The following NEGR1 variants were observed in gnomAD, a reference collection of about 807,000 sequenced individuals.
The protein encoded by NEGR1 is IgLON family member 4.
NEGR1 carries 10 observed loss-of-function variants against 40.9 expected under a neutral mutation model. The observed-to-expected ratio is 0.24, with a 90% CI of 0.15 to 0.42. The LOEUF (loss-of-function observed/expected upper bound fraction) is 0.42, where lower values mean the gene tolerates loss of function less well. Among genes scored for constraint, NEGR1 ranks in the 10% least tolerant of loss-of-function variants. The probability of loss-of-function intolerance (pLI) is 1.00; values close to 1 mark genes in which losing one functional copy is unlikely to be tolerated. For synonymous variants in NEGR1, 185 were observed against 166.8 expected (o/e 1.11, Z -0.84); for missense variants, 352 against 438.9 (o/e 0.80, Z 1.77).
chr1:71,948,337 T>G (rs1332875357), intron 1 of NEGR1, among the ~76,000 whole-genome samples: 1 of 152,022 alleles, frequency 6.6e-6, no homozygotes. Flanking sequence ...GATATCCATA[T>G]ATTATAAATA....
At chr1:72,066,148 C>A (rs530756020) in intron 1 of NEGR1, among the ~76,000 whole-genome samples, 43 of 152,162 alleles carry the variant, frequency 2.8e-4, no homozygotes, top group Non-Finnish European at 1.5e-5. Context: ...TCATGAATTG[C>A]ATTTAAAGAT....
chr1:71,535,589 G>A (rs1647487659), intron 6 of NEGR1, among the ~76,000 whole-genome samples: 1 of 151,674 alleles, frequency 6.6e-6, no homozygotes, highest in Non-Finnish European at 1.5e-5. Context: ...TTCCTGGCGA[G>A]GTAATTTTAT....
chr1:71,769,110 T>C (rs1656228830), intron 3 of NEGR1, among the ~76,000 whole-genome samples: 1 of 152,106 alleles, frequency 6.6e-6, no homozygotes, highest in Admixed American at 6.5e-5. Context: ...TCTGGTATTT[T>C]ATAGCAATGG....
chr1:72,177,875 A>G (rs1442724230), intron 1 of NEGR1, among the ~76,000 whole-genome samples: 2 of 151,980 alleles, frequency 1.3e-5, no homozygotes, highest in African/African-American at 4.8e-5. Context: ...AGCACAAGGA[A>G]GGGCCAATAA....
chr1:71,727,310 CAAAT>C (rs1654706336), intron 3 of NEGR1, among the ~76,000 whole-genome samples: 1 of 151,946 alleles, frequency 6.6e-6, no homozygotes, highest in South Asian at 2.1e-4. Context: ...CATATAAAAA[CAAAT>C]AAGTAATAAC....
At chr1:72,190,319 C>T (rs1652774912) in intron 1 of NEGR1, among the ~76,000 whole-genome samples, 1 of 151,524 alleles carries the variant, frequency 6.6e-6, no homozygotes, top group Non-Finnish European at 1.5e-5. Context: ...TATATGTTTA[C>T]TTCTATAGAA....
chr1:71,613,918 A>G (rs748104052), intron 4 of NEGR1, among the ~76,000 whole-genome samples: 1 of 152,144 alleles, frequency 6.6e-6, no homozygotes, highest in Non-Finnish European at 1.5e-5. Flanking sequence ...TGGTTTATCA[A>G]TATTCAGTGA....
intron 2 of NEGR1, among the ~76,000 whole-genome samples, chr1:71,788,185 CA>C (rs2101731935): frequency 6.6e-6 from 1 of 151,888 alleles, no homozygotes; most frequent in South Asian, 2.1e-4. Context: ...ATATTACAAA[CA>C]AAGGTTATCA....
intron 1 of NEGR1, among the ~76,000 whole-genome samples, chr1:72,104,301 C>A (rs1403553553): frequency 6.6e-6 from 1 of 151,986 alleles, no homozygotes; most frequent in Non-Finnish European, 1.5e-5. Flanking sequence ...TGGTTGGGCC[C>A]AATGTAATCA....
chr1:71,607,478 G>C (rs2101538394), intron 5 of NEGR1, among the ~76,000 whole-genome samples: 1 of 152,116 alleles, frequency 6.6e-6, no homozygotes, highest in Non-Finnish European at 1.5e-5. Flanking sequence ...AGACTTCCTG[G>C]GTTTAAATCC....
chr1:72,090,075 T>C (rs547689100), intron 1 of NEGR1, among the ~76,000 whole-genome samples: 20 of 152,220 alleles, frequency 1.3e-4, no homozygotes, highest in African/African-American at 4.8e-4. Flanking sequence ...ACCTCATTTC[T>C]GATTGCTCCA....
rs1658691814 is a variant in NEGR1 at position 71,827,821 on chromosome 1, T to A, written c.410-51524A>T. 2.0e-5 allele frequency among the ~76,000 whole-genome samples: 3 copies of A among 151,954 alleles called. No individual in the cohort carries two copies. The South Asian group carries it at 6.2e-4, about 31-fold the overall frequency. ...AAAAACAGCATGATATCTTCAAGGTTTTTTTCTTTATCCCAATTGACCCAG... is the reference window on the plus strand; with the variant it reads ...AAAAACAGCATGATATCTTCAAGGTATTTTTCTTTATCCCAATTGACCCAG... On this transcript the variant is annotated intron_variant, in intron 2 of 6. Coordinates refer to ENST00000357731, the MANE Select transcript of NEGR1 (RefSeq NM_173808.3).
intron 2 of NEGR1, among the ~76,000 whole-genome samples, chr1:71,909,645 T>A (rs1043011762): frequency 1.1e-4 from 16 of 151,968 alleles, no homozygotes; most frequent in South Asian, 6.2e-4. Context: ...TGGAAAGGGG[T>A]TTTTATGTGA....
intron 1 of NEGR1, among the ~76,000 whole-genome samples, chr1:71,940,863 A>AT (rs1237807338): frequency 1.3e-5 from 2 of 152,134 alleles, no homozygotes; most frequent in Admixed American, 1.3e-4. Flanking sequence ...CTGAGGAATG[A>AT]TTTTGTCTAC....
chr1:71,766,254 A>T (rs1656127869), intron 3 of NEGR1, among the ~76,000 whole-genome samples: 1 of 152,024 alleles, frequency 6.6e-6, no homozygotes, highest in South Asian at 2.1e-4. Context: ...AAAGTTAAAG[A>T]TGTAAGAAAA....
chr1:72,022,620 A>C (rs752491890), intron 1 of NEGR1, among the ~76,000 whole-genome samples: 1 of 151,770 alleles, frequency 6.6e-6, no homozygotes, highest in East Asian at 1.9e-4. Flanking sequence ...TACAATAGAT[A>C]TTGTCAATAG....
At chr1:72,189,550 T>G (rs1429106583) in intron 1 of NEGR1, among the ~76,000 whole-genome samples, 3 of 151,560 alleles carry the variant, frequency 2.0e-5, no homozygotes, top group Non-Finnish European at 4.4e-5. Flanking sequence ...AAGGAACTCT[T>G]AAATGCTTGG....
At chr1:71,782,177 G>A (rs1355402422) in intron 2 of NEGR1, among the ~76,000 whole-genome samples, 2 of 152,062 alleles carry the variant, frequency 1.3e-5, no homozygotes, top group African/African-American at 4.8e-5. Flanking sequence ...ATCATGAAGG[G>A]ATTAGTGCCC....
At chr1:72,012,703 G>A (rs973839429) in intron 1 of NEGR1, among the ~76,000 whole-genome samples, 1 of 151,564 alleles carries the variant, frequency 6.6e-6, no homozygotes, top group African/African-American at 2.4e-5. Context: ...ACTAAAGACT[G>A]TGCGTCCCCA....
Sources: allele counts gnomAD v4.1 joint callset (sites outside exome capture counted in the v4.1 genomes callset), GRCh38; gene constraint gnomAD v4.1.1; transcripts MANE v1.5; gene names NCBI Gene and HGNC (gene_info 2026-07-23, HGNC 2026-07-21).